The following C11orf16 variants were observed in gnomAD, a reference collection of about 807,000 sequenced individuals.
The protein encoded by C11orf16 is uncharacterized protein C11orf16.
C11orf16 carries 38 observed loss-of-function variants against 45.1 expected under a neutral mutation model. That is an observed-to-expected ratio of 0.84 (90% CI 0.65 to 1.10). The LOEUF (loss-of-function observed/expected upper bound fraction) is 1.10. Ranked by LOEUF, C11orf16 falls within the 50% of genes least tolerant of loss-of-function variation. C11orf16 has a pLI of 0.00. For missense variants in C11orf16, 583 were observed against 569.5 expected, an observed-to-expected ratio of 1.02 and a Z score of -0.24; for synonymous variants, 221 against 222.0, an observed-to-expected ratio of 1.00 and a Z score of 0.04.
rs968284370 is a variant in C11orf16 at position 8,927,255 on chromosome 11, C to T, written c.325-81G>A. The T allele has an allele frequency of 5.6e-6, 6 of 1,070,228 alleles. No homozygotes were observed. The African/African-American group carries it at 7.8e-5, about 14-fold the overall frequency. 66.3% of individuals were successfully genotyped at this position (1,070,228 alleles called of 1,614,324 possible). ...GCACCCAGGTTCCCTACGATGCCCC[C>T]CAAATCAGGCCCAGGGGCTGCCTTC... is the stretch of plus-strand genomic sequence containing the variant. On this transcript the variant is annotated intron_variant, in intron 3 of 6. Coordinates refer to ENST00000326053, the MANE Select transcript of C11orf16 (RefSeq NM_020643.3).
In C11orf16 at chr11:8,932,240, G is replaced by A; in HGVS notation, c.69C>T (p.Ala23=). ...KYCSVATSLK[A]PGWDGAAPPW... is the part of the protein sequence containing the mutation. ...GTGGAGCAGCACCGTCCCAGCCAGG[G>A]GCCTTCAGGCTTGTGGCCACGCTGC... The change falls in exon 2 of 7, where the codon GCC becomes GCT. Residue 23 remains alanine (A), a synonymous_variant. Transcript: ENST00000326053. The A allele has an allele frequency of 6.2e-7, 1 of 1,610,108 alleles. No individual in the cohort carries two copies. The highest frequency in any genetic ancestry group is 8.5e-7 in the Non-Finnish European group (1 of 1,178,450).
intron 3 of C11orf16, among the ~76,000 whole-genome samples, chr11:8,928,570 G>T (rs1476985053): frequency 6.6e-6 from 1 of 152,184 alleles, no homozygotes. Context: ...CCACAGGCTG[G>T]AGTGCAATGA....
rs751645557 is a variant in C11orf16, at chr11:8,929,484, C to G, written c.217G>C (p.Gly73Arg). The G allele has an allele frequency of 6.2e-7, 1 of 1,614,108 alleles. No homozygotes were observed. The highest frequency in any genetic ancestry group is 8.5e-7 in the Non-Finnish European group (1 of 1,180,008). The part of the protein sequence containing the change: ...CLHVADPAWQ[G>R]PGWLGRAGDA... Reference sequence around the variant, plus strand: ...CCAGCTCTTCCCAGCCAGCCAGGCCCCTGCCATGCTGGGTCGGCAACGTGG... The same window carrying G: ...CCAGCTCTTCCCAGCCAGCCAGGCCGCTGCCATGCTGGGTCGGCAACGTGG... Residue 73 changes from glycine to arginine, a missense_variant, in exon 3 of 7, where the codon GGG becomes CGG. By Grantham distance (125) the Gly-to-Arg change is moderately radical. Transcript: ENST00000326053.
At position 8,920,327 on chromosome 11, in the gene C11orf16, G is replaced by T. The variant is rs971287587; in HGVS notation, c.*146C>A. ...TTATCTGCAGGGAGGTCTTCGTGGG[G>T]TGGAGATACTGGTGGTTATTTGACT... On this transcript the variant is annotated 3_prime_UTR_variant, in exon 7 of 7. Coordinates refer to ENST00000326053, the MANE Select transcript of C11orf16 (RefSeq NM_020643.3). The T allele has an allele frequency of 1.8e-6, 1 of 545,368 alleles. No individual in the cohort carries two copies. The highest frequency in any genetic ancestry group is 2.0e-5 in the African/African-American group (1 of 50,968). The allele number at this position is 545,368 out of a possible 1,614,324, so 33.8% of individuals were successfully genotyped here.
In C11orf16 at chr11:8,925,770, T is replaced by C. The variant is rs771263835; in HGVS notation, c.897A>G (p.Ser299=). The C allele has an allele frequency of 6.2e-7, 1 of 1,614,268 alleles. No homozygotes were observed. Among genetic ancestry groups the C allele is most frequent in the Admixed American group, 1.7e-5 (1 of 60,034 alleles). Residue 299 remains serine, a synonymous_variant, in exon 5 of 7, where the codon TCA becomes TCG. Coordinates refer to ENST00000326053, the MANE Select transcript of C11orf16 (RefSeq NM_020643.3). ...GTTWWPLTRT[S]EVMARELPEL... ...CTGGAAGTTCTCTGGCCATGACTTC[T>C]GAGGTCCTGGTTAGAGGCCACCAAG...
chr11:8,927,506 G>A (rs775368780), intron 3 of C11orf16: 6 of 423,826 alleles, frequency 1.4e-5, no homozygotes, highest in African/African-American at 2.0e-5. Context: ...GAGTTACCTG[G>A]GTCCTCCCTG....
chr11:8,926,186 T>C, intron 4 of C11orf16, 79 bp from the exon 5 acceptor site: 1 of 160,248 alleles, frequency 6.2e-6, no homozygotes, highest in African/African-American at 8.3e-5. Flanking sequence ...TTTTCTTTTC[T>C]TTTTTTTTTT....
intron 5 of C11orf16, among the ~76,000 whole-genome samples, chr11:8,921,719 C>T (rs373635450): frequency 3.9e-5 from 6 of 152,150 alleles, no homozygotes; most frequent in African/African-American, 7.2e-5. Context: ...CTCAGCCACC[C>T]GGGCTCAAGT....
At chr11:8,926,804 G>A (rs1015074086) in intron 4 of C11orf16, 136 bp downstream of exon 4, 8 of 634,004 alleles carry the variant, frequency 1.3e-5, no homozygotes, top group East Asian at 2.7e-5. Context: ...AGATTAAGCA[G>A]CAAGCAAGGG....
intron 2 of C11orf16, among the ~76,000 whole-genome samples, chr11:8,930,105 G>C (rs142204701): frequency 6.7e-6 from 1 of 150,008 alleles, no homozygotes; most frequent in African/African-American, 2.5e-5. Context: ...GGGTGACAAG[G>C]TGAGACCCCT....
intron 2 of C11orf16, among the ~76,000 whole-genome samples, chr11:8,929,827 T>C (rs1325074484): frequency 6.6e-6 from 1 of 152,150 alleles, no homozygotes; most frequent in African/African-American, 2.4e-5. Context: ...GTTCCTACAC[T>C]AGACAACAGA....
chr11:8,925,413 GC>G, intron 5 of C11orf16, 49 bp downstream of exon 5: 1 of 1,543,020 alleles, frequency 6.5e-7, no homozygotes, highest in Non-Finnish European at 8.7e-7. Context: ...GGGAAGGGAG[GC>G]GGGGCCCCAG....
intron 2 of C11orf16, among the ~76,000 whole-genome samples, chr11:8,931,855 A>C (rs2064651921): frequency 6.6e-6 from 1 of 152,146 alleles, no homozygotes; most frequent in Non-Finnish European, 1.5e-5. Flanking sequence ...TGGTAAAATG[A>C]GCTATAAACT....
At chr11:8,929,761 G>A (rs556720568) in intron 2 of C11orf16, among the ~76,000 whole-genome samples, 14 of 152,324 alleles carry the variant, frequency 9.2e-5, no homozygotes, top group African/African-American at 3.4e-4. Context: ...ATTGGGAGTT[G>A]GTTCAAGGCA....
rs560915791 is a variant in C11orf16 at position 8,921,321 on chromosome 11, G to A, written c.1399C>T (p.Arg467Cys). The A allele has an allele frequency of 4.5e-5, 73 of 1,613,844 alleles. No homozygotes were observed. The highest frequency in any genetic ancestry group is 5.8e-5 in the Non-Finnish European group (68 of 1,179,994). The change falls in exon 6 of 7, where the codon CGT becomes TGT. Residue 467 changes from arginine (R) to cysteine (C), a missense_variant. Physicochemically the swap from Arg to Cys is radical, Grantham distance 180 (BLOSUM62 -3). Coordinates refer to ENST00000326053, the MANE Select transcript of C11orf16 (RefSeq NM_020643.3). The stretch of plus-strand genomic sequence containing the variant: ...AGATCCTCAGGGCTCTTAGTCTAAC[G>A]GGAATTCTTGTTCCACTGACATATT... Reference protein sequence around the residue: ...LAICQWNKNSR With the variant: ...LAICQWNKNSC
chr11:8,929,080 T>G (rs150112635), intron 3 of C11orf16: 3 of 301,620 alleles, frequency 9.9e-6, no homozygotes, highest in Non-Finnish European at 1.2e-5. Context: ...TGGGAATGAT[T>G]CTTCTTCATA....
chr11:8,931,162 GGA>G (rs1555226548), intron 2 of C11orf16, among the ~76,000 whole-genome samples: 1 of 152,100 alleles, frequency 6.6e-6, no homozygotes, highest in Non-Finnish European at 1.5e-5. Flanking sequence ...AGAGGGACCT[GGA>G]GACCCCACAT....
At chr11:8,927,252 C>T (rs1298131219) in intron 3 of C11orf16, 78 bp from the exon 4 acceptor site, 5 of 1,162,498 alleles carry the variant, frequency 4.3e-6, no homozygotes, top group Non-Finnish European at 4.9e-6. Flanking sequence ...CCTACGATGC[C>T]CCCCAAATCA....
At chr11:8,920,793 A>G (rs1357905704) in intron 6 of C11orf16, among the ~76,000 whole-genome samples, 1 of 152,182 alleles carries the variant, frequency 6.6e-6, no homozygotes. Context: ...ATGCCACTGC[A>G]TTCCAGCCTG....
Sources: gnomAD v4.1 joint callset for allele counts (sites outside exome capture counted in the v4.1 genomes callset) on GRCh38, gnomAD v4.1.1 for gene constraint, MANE v1.5 for transcripts, NCBI Gene and HGNC (gene_info 2026-07-23, HGNC 2026-07-21) for gene names.